CYP7B1: variants seen among roughly 807,000 people sequenced by gnomAD.
The protein encoded by CYP7B1 is cytochrome P450 family 7 subfamily B member 1, also known as cytochrome P450 7B1.
Under a neutral mutation model 42.7 loss-of-function variants are expected in CYP7B1, and 29 were observed. The ratio of observed to expected loss-of-function variants is 0.68; its 90% confidence interval spans 0.51 to 0.93. The LOEUF is 0.93. Ranked by LOEUF, CYP7B1 falls within the 40% of genes least tolerant of loss-of-function variation. The pLI is 0.00. For missense variants in CYP7B1, 655 were observed against 600.5 expected, an observed-to-expected ratio of 1.09 and a Z score of -0.95; for synonymous variants, 235 against 218.2, an observed-to-expected ratio of 1.08 and a Z score of -0.68.
At chr8:64,787,027 A>G (rs974094501) in intron 1 of CYP7B1, among the ~76,000 whole-genome samples, 44 of 152,236 alleles carry the variant, frequency 2.9e-4, no homozygotes, top group African/African-American at 1.0e-3. Flanking sequence ...GACACAGGGC[A>G]TGATGTCCTA....
chr8:64,702,711 C>T (rs1297949085), intron 1 of CYP7B1, among the ~76,000 whole-genome samples: 6 of 151,982 alleles, frequency 3.9e-5, no homozygotes, highest in Non-Finnish European at 8.8e-5. Context: ...TGTTCATTGG[C>T]GCAGAGAGTA....
Position 64,722,177 on chromosome 8 carries a change from G to A in CYP7B1, c.122+76289C>T, listed in dbSNP as rs1184625426. Reference sequence around the variant, plus strand: ...AAGTGAAGTTCCTTTTGCATCTTACGCAGCAAAACTAGTTTATAATTACAA... The same window carrying A: ...AAGTGAAGTTCCTTTTGCATCTTACACAGCAAAACTAGTTTATAATTACAA... On this transcript the variant is annotated intron_variant, in intron 1 of 5. Coordinates refer to ENST00000310193, the MANE Select transcript of CYP7B1 (RefSeq NM_004820.5). Among the ~76,000 whole-genome samples the A allele has an allele frequency of 7.2e-5, 11 of 152,074 alleles. 1 individual carries two copies. The highest frequency in any genetic ancestry group is 6.6e-4 in the Admixed American group (10 of 15,264).
At chr8:64,650,878 G>A (rs1806028372) in intron 1 of CYP7B1, among the ~76,000 whole-genome samples, 1 of 152,128 alleles carries the variant, frequency 6.6e-6, no homozygotes. Flanking sequence ...CCTTCTTCTA[G>A]AGTATTCTGG....
At chr8:64,795,055 G>A (rs902349580) in intron 1 of CYP7B1, among the ~76,000 whole-genome samples, 6 of 151,200 alleles carry the variant, frequency 4.0e-5, no homozygotes, top group Admixed American at 6.6e-5. Flanking sequence ...TCAATTTTCC[G>A]AAATGGTTGT....
intron 1 of CYP7B1, among the ~76,000 whole-genome samples, chr8:64,765,841 T>C (rs1475415391): frequency 6.6e-6 from 1 of 152,176 alleles, no homozygotes; most frequent in Non-Finnish European, 1.5e-5. Flanking sequence ...ATGTACCTCT[T>C]TCCCTCTCAG....
intron 1 of CYP7B1, among the ~76,000 whole-genome samples, chr8:64,705,188 C>T (rs1444552848): frequency 6.6e-6 from 1 of 151,366 alleles, no homozygotes; most frequent in Non-Finnish European, 1.5e-5. Flanking sequence ...CGGTAAAAAG[C>T]AAGAACCAGT....
chr8:64,785,680 A>C (rs1201893249), intron 1 of CYP7B1, among the ~76,000 whole-genome samples: 1 of 152,180 alleles, frequency 6.6e-6, no homozygotes, highest in Non-Finnish European at 1.5e-5. Flanking sequence ...TAAAAAAAAA[A>C]ATCAGTGGTT....
chr8:64,620,228 A>G (rs1051646679), intron 2 of CYP7B1, among the ~76,000 whole-genome samples: 1 of 152,178 alleles, frequency 6.6e-6, no homozygotes, highest in Non-Finnish European at 1.5e-5. Flanking sequence ...AATTTTCATA[A>G]TTAGAAGCTT....
chr8:64,771,422 GT>G (rs1279663695), intron 1 of CYP7B1, among the ~76,000 whole-genome samples: 2 of 151,824 alleles, frequency 1.3e-5, no homozygotes, highest in African/African-American at 4.8e-5. Flanking sequence ...ACATTGAGTT[GT>G]TTGGAGTCTA....
intron 1 of CYP7B1, among the ~76,000 whole-genome samples, chr8:64,718,734 C>T (rs1481082523): frequency 6.6e-6 from 1 of 152,156 alleles, no homozygotes; most frequent in African/African-American, 2.4e-5. Context: ...GACTAGGTCC[C>T]CGTAGAATGG....
At chr8:64,694,146 A>G (rs955863670) in intron 1 of CYP7B1, among the ~76,000 whole-genome samples, 3 of 152,226 alleles carry the variant, frequency 2.0e-5, no homozygotes, top group Admixed American at 2.0e-4. Context: ...TTTCATGAAC[A>G]TGAAGACCCC....
At chr8:64,709,297 G>C (rs1453098931) in intron 1 of CYP7B1, among the ~76,000 whole-genome samples, 1 of 152,130 alleles carries the variant, frequency 6.6e-6, no homozygotes, top group Non-Finnish European at 1.5e-5. Flanking sequence ...TTGATCTTTT[G>C]ATTTCTATCT....
At chr8:64,730,777 A>ACACC (rs1025348131) in intron 1 of CYP7B1, among the ~76,000 whole-genome samples, 2 of 151,730 alleles carry the variant, frequency 1.3e-5, no homozygotes, top group Admixed American at 6.6e-5. Context: ...ACACACACAC[A>ACACC]CACACACACT....
intron 1 of CYP7B1, among the ~76,000 whole-genome samples, chr8:64,657,495 C>T (rs1041067081): frequency 6.6e-6 from 1 of 152,166 alleles, no homozygotes; most frequent in African/African-American, 2.4e-5. Context: ...TTCCATGTAA[C>T]ATGGCAGACA....
At chr8:64,752,434 A>G (rs1217672005) in intron 1 of CYP7B1, among the ~76,000 whole-genome samples, 2 of 151,704 alleles carry the variant, frequency 1.3e-5, no homozygotes, top group Non-Finnish European at 1.5e-5. Flanking sequence ...AAATCAAGTT[A>G]AACTCCAAAG....
chr8:64,607,658 C>A (rs1020574188), intron 4 of CYP7B1, among the ~76,000 whole-genome samples: 4 of 152,138 alleles, frequency 2.6e-5, no homozygotes, highest in Admixed American at 6.5e-5. Flanking sequence ...AGCCAAACAG[C>A]AAGCTGTCAA....
chr8:64,726,928 C>A (rs984073385), intron 1 of CYP7B1, among the ~76,000 whole-genome samples: 5 of 152,142 alleles, frequency 3.3e-5, no homozygotes, highest in Non-Finnish European at 5.9e-5. Flanking sequence ...GTGACAAGGG[C>A]AGAAAGTGGG....
At chr8:64,674,981 T>C (rs1021943516) in intron 1 of CYP7B1, among the ~76,000 whole-genome samples, 6 of 152,118 alleles carry the variant, frequency 3.9e-5, no homozygotes, top group African/African-American at 1.4e-4. Flanking sequence ...AATTATTAAA[T>C]GATGTGCTGT....
chr8:64,651,938 T>G (rs1158258348), intron 1 of CYP7B1, among the ~76,000 whole-genome samples: 1 of 152,344 alleles, frequency 6.6e-6, no homozygotes, highest in African/African-American at 2.4e-5. Flanking sequence ...TTTACGTTGC[T>G]GGGTGGTTGT....
Sources: gnomAD v4.1 joint callset for allele counts (sites outside exome capture counted in the v4.1 genomes callset) on GRCh38, gnomAD v4.1.1 for gene constraint, MANE v1.5 for transcripts, NCBI Gene and HGNC (gene_info 2026-07-23, HGNC 2026-07-21) for gene names.